CEP70: variants seen among roughly 807,000 people sequenced by gnomAD.
The protein encoded by CEP70 is centrosomal protein of 70 kDa.
Under a neutral mutation model 90.9 loss-of-function variants are expected in CEP70, and 70 were observed. That is an observed-to-expected ratio of 0.77 (90% CI 0.64 to 0.94). The LOEUF (loss-of-function observed/expected upper bound fraction) is 0.94. CEP70 is among the 40% of genes least tolerant of loss of function. The pLI is 0.00. For missense variants in CEP70, 648 were observed against 669.0 expected (o/e 0.97, Z 0.35); for synonymous variants, 220 against 228.3 (o/e 0.96, Z 0.33).
chr3:138,523,075 C>A (rs898712233), intron 11 of CEP70, among the ~76,000 whole-genome samples: 1 of 152,154 alleles, frequency 6.6e-6, no homozygotes, highest in Non-Finnish European at 1.5e-5. Flanking sequence ...TCAACATACA[C>A]AAATCAATAA....
At chr3:138,564,224 A>G (rs190170895) in intron 6 of CEP70, among the ~76,000 whole-genome samples, 3 of 152,328 alleles carry the variant, frequency 2.0e-5, no homozygotes, top group Admixed American at 1.3e-4. Flanking sequence ...CCAACCAAAA[A>G]AAGTCCAGGA....
intron 11 of CEP70, among the ~76,000 whole-genome samples, chr3:138,514,645 TTTTAAG>T (rs1427450583): frequency 3.9e-4 from 60 of 152,228 alleles, no homozygotes; most frequent in African/African-American, 7.7e-4. Context: ...ATTTTAAATT[TTTTAAG>T]TTTAAGTTTT....
intron 6 of CEP70, among the ~76,000 whole-genome samples, chr3:138,554,179 C>CCA (rs2039829819): frequency 6.8e-6 from 1 of 147,428 alleles, no homozygotes; most frequent in African/African-American, 2.5e-5. Context: ...CTAGCCTGGA[C>CCA]AACAGAGTGA....
At chr3:138,569,306 A>C (rs1369792197) in intron 6 of CEP70, among the ~76,000 whole-genome samples, 2 of 152,180 alleles carry the variant, frequency 1.3e-5, no homozygotes, top group Non-Finnish European at 2.9e-5. Flanking sequence ...GCTCCCTTTT[A>C]GATAGCCTGA....
At chr3:138,515,611 C>T (rs1051095788) in intron 11 of CEP70, among the ~76,000 whole-genome samples, 1 of 152,028 alleles carries the variant, frequency 6.6e-6, no homozygotes, top group African/African-American at 2.4e-5. Context: ...AATTATTTGC[C>T]ACTGTGTACA....
At chr3:138,586,531 T>C (rs1488139554) in intron 2 of CEP70, among the ~76,000 whole-genome samples, 2 of 152,078 alleles carry the variant, frequency 1.3e-5, no homozygotes, top group Non-Finnish European at 2.9e-5. Flanking sequence ...TGCAACAACA[T>C]GGATGGAACT....
intron 11 of CEP70, among the ~76,000 whole-genome samples, chr3:138,524,645 C>T (rs2037025019): frequency 1.3e-5 from 2 of 152,082 alleles, no homozygotes; most frequent in African/African-American, 4.8e-5. Flanking sequence ...TTTATGCAGC[C>T]AAAAGACACG....
Position 138,517,060 on chromosome 3 carries a change from C to T in CEP70, c.944+8430G>A, listed in dbSNP as rs114025583. On this transcript the variant is annotated intron_variant, in intron 11 of 17. Transcript: ENST00000264982. The stretch of plus-strand genomic sequence containing the variant: ...TTCTGGTACTTTTAAAGTGTGATAA[C>T]GCTCACTTTAAAACATTCAGATCAT... 4.0e-3 allele frequency among the ~76,000 whole-genome samples: 603 copies of T among 152,278 alleles called. 3 individuals carry two copies. The highest frequency in any genetic ancestry group is 0.014 in the African/African-American group (579 of 41,566).
intron 17 of CEP70, 104 bp downstream of exon 17, chr3:138,497,927 A>T: frequency 2.6e-6 from 4 of 1,529,636 alleles, no homozygotes; most frequent in Non-Finnish European, 3.5e-6. Context: ...GTGGTTTCCA[A>T]CCACTAGGTA....
chr3:138,500,546 G>C lies in CEP70; in HGVS notation c.1390C>G (p.Gln464Glu), dbSNP rs2034407472. 2 of 1,608,422 alleles carry C rather than the reference G, an allele frequency of 1.2e-6. No individual in the cohort carries two copies. Among genetic ancestry groups the C allele is most frequent in the Admixed American group, 3.4e-5 (2 of 58,638 alleles). Residue 464 changes from glutamine to glutamate, a missense_variant, in exon 15 of 18, where the codon CAA becomes GAA. Coordinates refer to ENST00000264982, the MANE Select transcript of CEP70 (RefSeq NM_024491.4). ...TGAGAAACAATAGCTTGCAAAGTTT[G>C]AAAGTGTGGCATATTGCTGTCCTGT... ...KEKDSNMPHFQTLQAIVSHFQ... is the reference protein window; with the variant it reads ...KEKDSNMPHFETLQAIVSHFQ...
At chr3:138,520,174 T>C (rs984899844) in intron 11 of CEP70, among the ~76,000 whole-genome samples, 5 of 152,078 alleles carry the variant, frequency 3.3e-5, no homozygotes, top group Non-Finnish European at 5.9e-5. Flanking sequence ...AGCACCCAGA[T>C]TCATAAAGCA....
intron 2 of CEP70, among the ~76,000 whole-genome samples, chr3:138,590,121 C>T (rs1215459262): frequency 1.3e-5 from 2 of 149,448 alleles, no homozygotes; most frequent in Non-Finnish European, 3.0e-5. Context: ...AGAACATAAG[C>T]CAAAAAAAAA....
intron 2 of CEP70, among the ~76,000 whole-genome samples, chr3:138,582,170 C>T (rs751415478): frequency 1.3e-5 from 2 of 151,982 alleles, no homozygotes; most frequent in Non-Finnish European, 2.9e-5. Flanking sequence ...ACAAAACTCA[C>T]GGGTAATCAA....
chr3:138,496,252 T>C (rs2108646136), intron 17 of CEP70: 1 of 985,450 alleles, frequency 1.0e-6, no homozygotes, highest in Non-Finnish European at 1.2e-6. Context: ...ATTGTGTAGC[T>C]GGATCTTGGT....
chr3:138,559,681 T>C (rs1362625234), intron 6 of CEP70, among the ~76,000 whole-genome samples: 1 of 152,114 alleles, frequency 6.6e-6, no homozygotes, highest in East Asian at 1.9e-4. Flanking sequence ...GCCAAGCTTG[T>C]GCCACTGCAC....
chr3:138,551,474 A>G (rs768338195), intron 6 of CEP70, among the ~76,000 whole-genome samples: 2 of 152,142 alleles, frequency 1.3e-5, no homozygotes, highest in Non-Finnish European at 2.9e-5. Flanking sequence ...GGCTGGGTGC[A>G]GTGGTTCATG....
At chr3:138,495,185 A>G in intron 17 of CEP70, 109 bp from the exon 18 acceptor site, 1 of 622,378 alleles carries the variant, frequency 1.6e-6, no homozygotes, top group Non-Finnish European at 2.9e-6. Flanking sequence ...AAAGGCAATA[A>G]TACTGGTGCT....
chr3:138,582,266 G>A (rs1375350061), intron 2 of CEP70, among the ~76,000 whole-genome samples: 1 of 152,094 alleles, frequency 6.6e-6, no homozygotes, highest in East Asian at 1.9e-4. Context: ...GAGGTCAGGA[G>A]TTCAAGACCA....
Position 138,539,674 on chromosome 3 carries a change from C to T in CEP70, c.466-2327G>A, listed in dbSNP as rs1053153434. Among the ~76,000 whole-genome samples, 10 of 152,086 alleles carry T rather than the reference C, an allele frequency of 6.6e-5. No individual in the cohort carries two copies. In the South Asian group the frequency reaches 1.5e-3, roughly 22 times the overall value. On this transcript the variant is annotated intron_variant, in intron 6 of 17. Coordinates refer to ENST00000264982, the MANE Select transcript of CEP70 (RefSeq NM_024491.4). Reference sequence around the variant, plus strand: ...ATACCTACAAAATATAGAAAATTACCTCAAAAGAGCAAATCTAAGAATCAT... The same window carrying T: ...ATACCTACAAAATATAGAAAATTACTTCAAAAGAGCAAATCTAAGAATCAT...
Sources: gnomAD v4.1 joint callset for allele counts (sites outside exome capture counted in the v4.1 genomes callset) on GRCh38, gnomAD v4.1.1 for gene constraint, MANE v1.5 for transcripts, NCBI Gene and HGNC (gene_info 2026-07-23, HGNC 2026-07-21) for gene names.